The following GNG4 variants were observed in gnomAD, a reference collection of about 807,000 sequenced individuals.
GNG4 encodes the protein guanine nucleotide-binding protein G(I)/G(S)/G(O) subunit gamma-4.
GNG4 carries 4 observed loss-of-function variants against 5.8 expected under a neutral mutation model. That is an observed-to-expected ratio of 0.69 (90% CI 0.34 to 1.57). GNG4 has a LOEUF of 1.57. Ranked by LOEUF, GNG4 falls within the 40% of genes most tolerant of loss-of-function variation. The pLI is 0.06. For missense variants in GNG4, 96 were observed against 95.1 expected, an observed-to-expected ratio of 1.01 and a Z score of -0.04; for synonymous variants, 29 against 32.9, an observed-to-expected ratio of 0.88 and a Z score of 0.41.
Position 235,648,148 on chromosome 1 carries a change from G to T in GNG4, c.-123+1514C>A, listed in dbSNP as rs986380992. On this transcript the variant is annotated intron_variant, in intron 1 of 3. Coordinates refer to ENST00000391854, the MANE Select transcript of GNG4 (RefSeq NM_001098722.2). The surrounding 1 kb of genome is among the most constrained non-coding windows in gnomAD (Gnocchi z 5.0). ...CCTACATCCTCCACTGGCTTCCTTG[G>T]GCGAATTTTAAGGCCTATGAGCACT... is the stretch of plus-strand genomic sequence containing the variant. Among the ~76,000 whole-genome samples, 6 of 152,170 alleles carry T rather than the reference G, an allele frequency of 3.9e-5. No individual in the cohort carries two copies. The highest frequency in any genetic ancestry group is 1.2e-4 in the African/African-American group (5 of 41,492).
At chr1:235,646,649 C>G (rs572686537) in intron 1 of GNG4, among the ~76,000 whole-genome samples, 1 of 152,338 alleles carries the variant, frequency 6.6e-6, no homozygotes, top group East Asian at 1.9e-4. Flanking sequence ...CCTGGGCACC[C>G]AGGGCTCCTT....
At chr1:235,562,139 GCTCT>G (rs1687079696) in intron 3 of GNG4, among the ~76,000 whole-genome samples, 1 of 151,842 alleles carries the variant, frequency 6.6e-6, no homozygotes. Context: ...CTATTTTGGG[GCTCT>G]CTATTCTGTT....
intron 2 of GNG4, among the ~76,000 whole-genome samples, chr1:235,594,963 T>C (rs1688086395): frequency 6.6e-6 from 1 of 152,182 alleles, no homozygotes; most frequent in Non-Finnish European, 1.5e-5. Context: ...TCCCTGAGCC[T>C]GAAGGGACCC....
At chr1:235,619,005 A>T (rs1337574445) in intron 1 of GNG4, among the ~76,000 whole-genome samples, 3 of 150,976 alleles carry the variant, frequency 2.0e-5, no homozygotes, top group Non-Finnish European at 4.4e-5. Flanking sequence ...CTTAGTCATT[A>T]AAGGCAGCAT....
At position 235,649,180 on chromosome 1, in the gene GNG4, G is replaced by A. The variant is rs906791044; in HGVS notation, c.-123+482C>T. Among the ~76,000 whole-genome samples the A allele has an allele frequency of 5.3e-5, 8 of 152,144 alleles. No homozygotes were observed. Among genetic ancestry groups the A allele is most frequent in the African/African-American group, 1.9e-4 (8 of 41,438 alleles). On this transcript the variant is annotated intron_variant, in intron 1 of 3. Transcript: ENST00000391854. This position sits in a 1 kb window ranked among gnomAD's most constrained non-coding sequence, Gnocchi z 5.7. ...TCCCGAGGCGGCGTCTGGGCTGCTGGGGAGCCAGGAGGGCTTCCTCAGGCA... is the reference window on the plus strand; with the variant it reads ...TCCCGAGGCGGCGTCTGGGCTGCTGAGGAGCCAGGAGGGCTTCCTCAGGCA...
rs560947826 is a variant in GNG4 at position 235,573,509 on chromosome 1, A to G, written c.99+10231T>C. On this transcript the variant is annotated intron_variant, in intron 3 of 3. Transcript: ENST00000391854. ...AATAGGACTCACGGCCCGGTGCGGT[A>G]GCTCACACCTGTAATCCCAACACTT... 3.6e-4 allele frequency among the ~76,000 whole-genome samples: 55 copies of G among 152,058 alleles called. No individual in the cohort carries two copies. The East Asian group carries it at 3.7e-3, about 10-fold the overall frequency.
At chr1:235,601,427 G>C (rs192015393) in intron 1 of GNG4, among the ~76,000 whole-genome samples, 18 of 152,316 alleles carry the variant, frequency 1.2e-4, no homozygotes, top group African/African-American at 4.3e-4. Context: ...CCGGCTCTCA[G>C]TGTATAACCA....
At chr1:235,586,540 C>T (rs906331452) in intron 2 of GNG4, among the ~76,000 whole-genome samples, 1 of 152,180 alleles carries the variant, frequency 6.6e-6, no homozygotes, top group Non-Finnish European at 1.5e-5. Context: ...TGACGAAATG[C>T]GATTCCCAAT....
chr1:235,587,293 GGTGT>G (rs1373254944), intron 2 of GNG4, among the ~76,000 whole-genome samples: 1 of 86,738 alleles, frequency 1.2e-5, no homozygotes, highest in Non-Finnish European at 2.1e-5. Flanking sequence ...TGTGGGTTGG[GGTGT>G]GTGTGAGGGT....
At chr1:235,574,309 T>C (rs1687424117) in intron 3 of GNG4, among the ~76,000 whole-genome samples, 1 of 152,126 alleles carries the variant, frequency 6.6e-6, no homozygotes, top group Non-Finnish European at 1.5e-5. Flanking sequence ...AGGCAGAGAT[T>C]GCAGTGAGCC....
intron 1 of GNG4, among the ~76,000 whole-genome samples, chr1:235,630,955 G>A (rs111441334): frequency 0.018 from 2,748 of 151,272 alleles, 91 homozygotes; most frequent in African/African-American, 0.062. Context: ...CTGGAGTGCC[G>A]TGGCACGATC....
chr1:235,558,754 A>C (rs749643213), intron 3 of GNG4, among the ~76,000 whole-genome samples: 5 of 152,224 alleles, frequency 3.3e-5, no homozygotes, highest in Non-Finnish European at 7.3e-5. Flanking sequence ...CTTTCTCATC[A>C]AGCCTGAATT....
chr1:235,584,106 C>T (rs1279715476), intron 2 of GNG4, among the ~76,000 whole-genome samples: 1 of 152,202 alleles, frequency 6.6e-6, no homozygotes, highest in Non-Finnish European at 1.5e-5. Flanking sequence ...TCCAGAATGA[C>T]TTTTCCATCA....
rs1036990862 is a variant in GNG4 at position 235,649,047 on chromosome 1, G to A, written c.-123+615C>T. 2.5e-4 allele frequency among the ~76,000 whole-genome samples: 38 copies of A among 152,004 alleles called. No homozygotes were observed. The highest frequency in any genetic ancestry group is 4.1e-4 in the Non-Finnish European group (28 of 68,000). The stretch of plus-strand genomic sequence containing the variant: ...TCCCCGGTTGCTGCCGGGCGCGCGC[G>A]GCGAACGAAGCACATTTCAGTTCAG... On this transcript the variant is annotated intron_variant, in intron 1 of 3. Coordinates refer to ENST00000391854, the MANE Select transcript of GNG4 (RefSeq NM_001098722.2). The surrounding 1 kb of genome is among the most constrained non-coding windows in gnomAD (Gnocchi z 5.7).
At chr1:235,636,686 T>G (rs962865024) in intron 1 of GNG4, among the ~76,000 whole-genome samples, 9 of 152,006 alleles carry the variant, frequency 5.9e-5, no homozygotes, top group Non-Finnish European at 1.0e-4. Context: ...AGACCAGAGA[T>G]CCGATGAACC....
At chr1:235,588,471 C>T (rs560425452) in intron 2 of GNG4, among the ~76,000 whole-genome samples, 1 of 152,248 alleles carries the variant, frequency 6.6e-6, no homozygotes, top group African/African-American at 2.4e-5. Context: ...CCAACTACCA[C>T]CACTGTCTCC....
chr1:235,626,135 G>A (rs910704218), intron 1 of GNG4, among the ~76,000 whole-genome samples: 5 of 152,194 alleles, frequency 3.3e-5, no homozygotes, highest in African/African-American at 1.2e-4. Flanking sequence ...TCTAAATGGT[G>A]TGTAGTGGTT....
At chr1:235,618,603 G>C (rs1225153656) in intron 1 of GNG4, among the ~76,000 whole-genome samples, 1 of 151,810 alleles carries the variant, frequency 6.6e-6, no homozygotes, top group Non-Finnish European at 1.5e-5. Flanking sequence ...ACTGATTCGT[G>C]TGCATGATTC....
At chr1:235,594,271 T>A (rs911515010) in intron 2 of GNG4, among the ~76,000 whole-genome samples, 1 of 152,082 alleles carries the variant, frequency 6.6e-6, no homozygotes, top group African/African-American at 2.4e-5. Flanking sequence ...TTACAAACCT[T>A]GAGCTAGATA....
Sources: allele counts gnomAD v4.1 joint callset (sites outside exome capture counted in the v4.1 genomes callset), GRCh38; gene constraint gnomAD v4.1.1; non-coding constraint Gnocchi (gnomAD v3.1); transcripts MANE v1.5; gene names NCBI Gene and HGNC (gene_info 2026-07-23, HGNC 2026-07-21).